The following CRACD variants were observed in gnomAD, a reference collection of about 807,000 sequenced individuals.
CRACD encodes capping protein inhibiting regulator of actin dynamics.
CRACD carries 56 observed loss-of-function variants against 106.8 expected under a neutral mutation model. That is an observed-to-expected ratio of 0.52 (90% confidence interval 0.42 to 0.66). CRACD has a LOEUF of 0.66. Among genes scored for constraint, CRACD ranks in the 30% least tolerant of loss-of-function variants. The pLI is 0.00. For missense variants in CRACD, 1,730 were observed against 1,623.2 expected, an observed-to-expected ratio of 1.07 and a Z score of -1.13; for synonymous variants, 754 against 670.8, an observed-to-expected ratio of 1.12 and a Z score of -1.92.
chr4:56,083,960 G>C (rs1195897289), intron 1 of CRACD, among the ~76,000 whole-genome samples: 1 of 152,200 alleles, frequency 6.6e-6, no homozygotes, highest in Non-Finnish European at 1.5e-5. Flanking sequence ...CTGGGCGACA[G>C]AGTGAGACCT....
At chr4:56,058,895 A>T (rs1251323295) in intron 1 of CRACD, among the ~76,000 whole-genome samples, 1 of 152,208 alleles carries the variant, frequency 6.6e-6, no homozygotes, top group East Asian at 1.9e-4. Flanking sequence ...ACTTCAATTA[A>T]TTTCATAATC....
At chr4:56,299,140 G>A (rs931492369) in intron 4 of CRACD, among the ~76,000 whole-genome samples, 3 of 152,100 alleles carry the variant, frequency 2.0e-5, no homozygotes, top group African/African-American at 7.2e-5. Flanking sequence ...GCCACCCTAA[G>A]CCACCTTGTC....
intron 2 of CRACD, among the ~76,000 whole-genome samples, chr4:56,224,866 A>G (rs758903612): frequency 8.5e-5 from 13 of 152,194 alleles, no homozygotes; most frequent in Non-Finnish European, 1.6e-4. Flanking sequence ...TGACCTCACT[A>G]TCTCCCTTAC....
At chr4:56,280,326 T>A (rs1304246959) in intron 3 of CRACD, among the ~76,000 whole-genome samples, 1 of 151,984 alleles carries the variant, frequency 6.6e-6, no homozygotes, top group Non-Finnish European at 1.5e-5. Flanking sequence ...GAAATGTGAC[T>A]ACACTCCAAG....
intron 1 of CRACD, among the ~76,000 whole-genome samples, chr4:56,051,511 G>T (rs1731873839): frequency 6.6e-6 from 1 of 152,130 alleles, no homozygotes; most frequent in African/African-American, 2.4e-5. Flanking sequence ...CTGTGGGGAG[G>T]CAGGGCAGAT....
At chr4:56,097,009 G>A (rs1361445101) in intron 1 of CRACD, among the ~76,000 whole-genome samples, 1 of 152,056 alleles carries the variant, frequency 6.6e-6, no homozygotes, top group African/African-American at 2.4e-5. Context: ...TAATGATGTA[G>A]AAGAATTGGG....
intron 3 of CRACD, among the ~76,000 whole-genome samples, chr4:56,282,488 T>C (rs1247325590): frequency 6.6e-6 from 1 of 152,206 alleles, no homozygotes; most frequent in African/African-American, 2.4e-5. Context: ...TCAGGTAGGA[T>C]GATTGCAGTT....
At chr4:56,300,332 T>C (rs895447463) in intron 4 of CRACD, among the ~76,000 whole-genome samples, 1 of 132,516 alleles carries the variant, frequency 7.5e-6, no homozygotes. Flanking sequence ...TGATGCCTGC[T>C]GCCACCGCTG....
At chr4:56,247,623 A>G (rs1006373133) in intron 2 of CRACD, among the ~76,000 whole-genome samples, 3 of 152,170 alleles carry the variant, frequency 2.0e-5, no homozygotes, top group Non-Finnish European at 4.4e-5. Flanking sequence ...AGGCAGGTGG[A>G]TCACCTGAGG....
intron 2 of CRACD, among the ~76,000 whole-genome samples, chr4:56,197,178 C>T (rs562357497): frequency 2.2e-4 from 33 of 151,824 alleles, no homozygotes; most frequent in Non-Finnish European, 3.8e-4. Context: ...TTTATATTCC[C>T]ATTTTATTTT....
At position 56,090,152 on chromosome 4, in the gene CRACD, T is replaced by A. The variant is rs541321385; in HGVS notation, c.-336+40853T>A. Among the ~76,000 whole-genome samples the A allele has an allele frequency of 5.6e-3, 782 of 140,548 alleles. 5 individuals are homozygous for A. The highest frequency in any genetic ancestry group is 0.015 in the African/African-American group (563 of 37,766). The allele number at this position is 140,548 out of a possible 152,430, so 92.2% of individuals were successfully genotyped here. On this transcript the variant is annotated intron_variant, in intron 1 of 10. Transcript: ENST00000682029. Reference sequence around the variant, plus strand: ...AGGTAAACTTTATTTTCCTTTTTTTTAAAAAAAAAAAAAAACTGGCAGGAT... The same window carrying A: ...AGGTAAACTTTATTTTCCTTTTTTTAAAAAAAAAAAAAAAACTGGCAGGAT...
intron 8 of CRACD, among the ~76,000 whole-genome samples, chr4:56,322,630 G>A (rs1486133082): frequency 6.6e-6 from 1 of 152,186 alleles, no homozygotes; most frequent in Non-Finnish European, 1.5e-5. Flanking sequence ...TTCCCCATTA[G>A]GCAGAGTAGT....
At chr4:56,085,551 C>T (rs1454261392) in intron 1 of CRACD, among the ~76,000 whole-genome samples, 1 of 152,170 alleles carries the variant, frequency 6.6e-6, no homozygotes, top group Non-Finnish European at 1.5e-5. Context: ...GCAAAGTTTT[C>T]CTGTAATGGG....
rs571756625 is a variant in CRACD, at chr4:56,072,190, C to T, written c.-336+22891C>T. 2.7e-5 allele frequency among the ~76,000 whole-genome samples: 4 copies of T among 150,108 alleles called. No homozygotes were observed. In the East Asian group the frequency reaches 7.9e-4, roughly 29 times the overall value. On this transcript the variant is annotated intron_variant, in intron 1 of 10. Transcript: ENST00000682029. The stretch of plus-strand genomic sequence containing the variant: ...CATTTGGGCCCAGATAAAGTGTGAA[C>T]TCTAGCTAATCTAGTATAAGAAAGA...
At chr4:56,270,722 G>A (rs1198968317) in intron 2 of CRACD, among the ~76,000 whole-genome samples, 3 of 152,116 alleles carry the variant, frequency 2.0e-5, no homozygotes, top group East Asian at 3.8e-4. Flanking sequence ...TAATAGGATT[G>A]TTGTGAGGAT....
intron 2 of CRACD, among the ~76,000 whole-genome samples, chr4:56,185,625 C>T (rs535338248): frequency 6.6e-6 from 1 of 152,330 alleles, no homozygotes; most frequent in East Asian, 1.9e-4. Flanking sequence ...ACACCTGCTT[C>T]GCTTTAGTTG....
chr4:56,288,600 T>TCCTCTC (rs1202996045), intron 3 of CRACD: 7 of 153,272 alleles, frequency 4.6e-5, no homozygotes, highest in Admixed American at 3.3e-4. Context: ...CTCTTCCTCT[T>TCCTCTC]CCTCTTCCTT....
intron 1 of CRACD, among the ~76,000 whole-genome samples, chr4:56,058,785 G>C (rs1459040817): frequency 6.6e-6 from 1 of 152,074 alleles, no homozygotes. Flanking sequence ...TTCTGCACTA[G>C]CCTTTCCTTT....
At chr4:56,127,868 T>C (rs1164021602) in intron 1 of CRACD, among the ~76,000 whole-genome samples, 1 of 152,160 alleles carries the variant, frequency 6.6e-6, no homozygotes, top group Non-Finnish European at 1.5e-5. Flanking sequence ...TCGGCCTTGC[T>C]CCAGAAAGCC....
Sources: allele counts gnomAD v4.1 joint callset (sites outside exome capture counted in the v4.1 genomes callset), GRCh38; gene constraint gnomAD v4.1.1; transcripts MANE v1.5; gene names NCBI Gene and HGNC (gene_info 2026-07-23, HGNC 2026-07-21).